Variants in RGS7 observed in about 807,000 individuals in gnomAD.
RGS7 encodes regulator of G protein signaling 7.
RGS7 carries 27 observed loss-of-function variants against 81.1 expected under a neutral mutation model. The ratio of observed to expected loss-of-function variants is 0.33; its 90% confidence interval spans 0.25 to 0.46. RGS7 has a LOEUF of 0.46. Among genes scored for constraint, RGS7 ranks in the 20% least tolerant of loss-of-function variants. The pLI is 1.00. For synonymous variants in RGS7, 208 were observed against 207.7 expected, an observed-to-expected ratio of 1.00 and a Z score of -0.01; for missense variants, 396 against 607.4, an observed-to-expected ratio of 0.65 and a Z score of 3.66.
chr1:241,233,076 A>C (rs1231487355), intron 2 of RGS7, among the ~76,000 whole-genome samples: 1 of 152,160 alleles, frequency 6.6e-6, no homozygotes, highest in East Asian at 1.9e-4. Flanking sequence ...ATCACTCCCC[A>C]GCACCCGTAA....
chr1:241,270,788 C>T (rs1273764865), intron 2 of RGS7, among the ~76,000 whole-genome samples: 7 of 148,092 alleles, frequency 4.7e-5, no homozygotes, highest in African/African-American at 1.7e-4. Flanking sequence ...GACGGAGTCT[C>T]GCTCTGTCGC....
intron 2 of RGS7, among the ~76,000 whole-genome samples, chr1:241,335,753 AG>A (rs2082209001): frequency 6.6e-6 from 1 of 152,082 alleles, no homozygotes; most frequent in South Asian, 2.1e-4. Context: ...CCAGTTTTCC[AG>A]GGGCTGCAGG....
At chr1:241,282,502 A>G (rs2078574528) in intron 2 of RGS7, among the ~76,000 whole-genome samples, 1 of 152,206 alleles carries the variant, frequency 6.6e-6, no homozygotes, top group African/African-American at 2.4e-5. Flanking sequence ...TTCTACATAG[A>G]CAATCACGTC....
chr1:240,972,003 T>C (rs961688136), intron 4 of RGS7, among the ~76,000 whole-genome samples: 5 of 152,254 alleles, frequency 3.3e-5, no homozygotes, highest in African/African-American at 4.8e-5. Flanking sequence ...AGAAAAGATC[T>C]GTTTTTATTG....
chr1:241,326,167 G>A (rs150341902), intron 2 of RGS7, among the ~76,000 whole-genome samples: 8 of 152,180 alleles, frequency 5.3e-5, no homozygotes, highest in South Asian at 2.1e-4. Flanking sequence ...CTTCATCTCC[G>A]GTTTCACTAC....
rs573196742 is a variant in RGS7, at chr1:240,972,001, T to C, written c.226+11078A>G. On this transcript the variant is annotated intron_variant, in intron 4 of 18. Coordinates refer to ENST00000440928, the MANE Select transcript of RGS7 (RefSeq NM_001364886.1). ...CAATTTGAAGAGCATACAGAAAAGA[T>C]CTGTTTTTATTGACCTGTAATATAC... 9.8e-5 allele frequency among the ~76,000 whole-genome samples: 15 copies of C among 152,380 alleles called. No individual in the cohort carries two copies. In the East Asian group the frequency reaches 2.9e-3, roughly 29 times the overall value.
At chr1:241,292,796 G>A (rs2079161476) in intron 2 of RGS7, among the ~76,000 whole-genome samples, 1 of 152,120 alleles carries the variant, frequency 6.6e-6, no homozygotes. Context: ...GAGGGAAGAA[G>A]GAAACCATGA....
intron 9 of RGS7, among the ~76,000 whole-genome samples, chr1:240,862,965 G>A (rs1405965131): frequency 1.3e-5 from 2 of 151,446 alleles, no homozygotes; most frequent in Non-Finnish European, 2.9e-5. Flanking sequence ...GTTTGTGTGT[G>A]TATTTTAGAG....
chr1:241,309,134 C>A (rs2080347841), intron 2 of RGS7, among the ~76,000 whole-genome samples: 1 of 152,044 alleles, frequency 6.6e-6, no homozygotes, highest in Admixed American at 6.6e-5. Context: ...CACCTGTAAT[C>A]CCAGCACTTT....
At chr1:240,849,939 A>T (rs1659798413) in intron 9 of RGS7, among the ~76,000 whole-genome samples, 1 of 152,216 alleles carries the variant, frequency 6.6e-6, no homozygotes, top group South Asian at 2.1e-4. Flanking sequence ...TTTATATATG[A>T]TCACATTCCG....
At chr1:241,065,990 A>G (rs192292849) in intron 3 of RGS7, among the ~76,000 whole-genome samples, 175 of 152,338 alleles carry the variant, frequency 1.1e-3, no homozygotes, top group African/African-American at 3.9e-3. Flanking sequence ...GTTACTGAAG[A>G]TACACAGTAA....
intron 3 of RGS7, among the ~76,000 whole-genome samples, chr1:241,036,187 T>G (rs566185349): frequency 2.0e-5 from 3 of 152,318 alleles, no homozygotes; most frequent in Admixed American, 1.3e-4. Context: ...AAGAGTTTAG[T>G]TACCTTCATC....
intron 9 of RGS7, among the ~76,000 whole-genome samples, chr1:240,837,327 A>G (rs1302343341): frequency 6.6e-6 from 1 of 152,140 alleles, no homozygotes; most frequent in African/African-American, 2.4e-5. Flanking sequence ...TTATTTCCCT[A>G]CAAAAAGCTG....
chr1:240,809,004 CTGGATTAATTGGTTTCCAT>C lies in RGS7; in HGVS notation c.1083-2697_1083-2679del, dbSNP rs1689378808. On this transcript the variant is annotated intron_variant, in intron 14 of 18. Coordinates refer to ENST00000440928, the MANE Select transcript of RGS7 (RefSeq NM_001364886.1). ...TAACGCCTATTTCACTGGGTTTCCA[CTGGATTAATTGGTTTCCAT>C]TGGATTAGTTGATTAAATTAATTCC... Among the ~76,000 whole-genome samples, 21 of 152,212 alleles carry C rather than the reference CTGGATTAATTGGTTTCCAT, an allele frequency of 1.4e-4. No homozygotes were observed. The South Asian group carries it at 4.3e-3, about 32-fold the overall frequency.
chr1:241,076,863 ACT>A (rs1242413606), intron 3 of RGS7, among the ~76,000 whole-genome samples: 1 of 152,182 alleles, frequency 6.6e-6, no homozygotes, highest in Non-Finnish European at 1.5e-5. Context: ...AAAGAGTGTA[ACT>A]TTCAAAACTG....
intron 14 of RGS7, among the ~76,000 whole-genome samples, chr1:240,810,011 C>T (rs533951719): frequency 1.3e-5 from 2 of 152,268 alleles, no homozygotes; most frequent in Non-Finnish European, 2.9e-5. Flanking sequence ...GAATTCAATT[C>T]ATGCCTGAAA....
At chr1:241,145,152 G>A (rs569270890) in intron 2 of RGS7, among the ~76,000 whole-genome samples, 2,538 of 152,004 alleles carry the variant, frequency 0.017, 30 homozygotes, top group Non-Finnish European at 0.026. Flanking sequence ...GAGTGGCTGG[G>A]ATTACAGGTG....
At chr1:241,165,031 A>G (rs2070074137) in intron 2 of RGS7, among the ~76,000 whole-genome samples, 1 of 152,138 alleles carries the variant, frequency 6.6e-6, no homozygotes, top group Non-Finnish European at 1.5e-5. Flanking sequence ...CTCCTTCCCT[A>G]TGTGCGTTCT....
At chr1:241,350,647 C>T (rs978704345) in intron 2 of RGS7, among the ~76,000 whole-genome samples, 2 of 148,696 alleles carry the variant, frequency 1.3e-5, no homozygotes, top group African/African-American at 5.0e-5. Context: ...GTGGTGCATA[C>T]CTATACTCCC....
Sources: gnomAD v4.1 joint callset for allele counts (sites outside exome capture counted in the v4.1 genomes callset) on GRCh38, gnomAD v4.1.1 for gene constraint, MANE v1.5 for transcripts, NCBI Gene and HGNC (gene_info 2026-07-23, HGNC 2026-07-21) for gene names.